Variants in DNAH14 observed in about 807,000 individuals in gnomAD.
DNAH14 encodes axonemal beta dynein heavy chain 14.
A neutral mutation model predicts 520.9 loss-of-function variants in DNAH14; 478 were observed. The observed-to-expected ratio is 0.92, with a 90% CI of 0.85 to 0.99. DNAH14 has a LOEUF of 0.99. Among genes scored for constraint, DNAH14 ranks in the 50% least tolerant of loss-of-function variants. The probability of loss-of-function intolerance (pLI) is 0.00; values close to 1 mark genes in which losing one functional copy is unlikely to be tolerated. For synonymous variants in DNAH14, 1,581 were observed against 1,757.2 expected (o/e 0.90, Z 2.51); for missense variants, 4,831 against 5,234.5 (o/e 0.92, Z 2.38).
chr1:225,204,085 T>C (rs1331206360), intron 38 of DNAH14, 98 bp from the exon 39 acceptor site: 2 of 610,444 alleles, frequency 3.3e-6, no homozygotes, highest in African/African-American at 2.0e-5. Context: ...CTGCCTTTTA[T>C]ATTTTTATCA....
At chr1:225,231,851 C>T (rs1285742657) in intron 42 of DNAH14, among the ~76,000 whole-genome samples, 1 of 151,934 alleles carries the variant, frequency 6.6e-6, no homozygotes, top group Non-Finnish European at 1.5e-5. Flanking sequence ...TGCTCATTCT[C>T]AATGTAACAA....
intron 36 of DNAH14, among the ~76,000 whole-genome samples, chr1:225,175,832 G>C (rs59700867): frequency 0.13 from 19,307 of 149,582 alleles, 1,367 homozygotes; most frequent in East Asian, 0.31. Flanking sequence ...TTATTTTCCT[G>C]CACAAGCTCT....
chr1:225,213,352 A>T (rs1404958231), intron 41 of DNAH14, among the ~76,000 whole-genome samples: 1 of 152,166 alleles, frequency 6.6e-6, no homozygotes, highest in African/African-American at 2.4e-5. Context: ...TGATGCCTCC[A>T]GCTTTGTTCT....
chr1:224,981,707 A>T (rs956576863), intron 8 of DNAH14, among the ~76,000 whole-genome samples: 1 of 152,050 alleles, frequency 6.6e-6, no homozygotes, highest in African/African-American at 2.4e-5. Context: ...CTAATGGTCT[A>T]TCAATCTTAT....
chr1:225,260,783 C>A (rs2092909946), intron 46 of DNAH14, among the ~76,000 whole-genome samples: 1 of 152,114 alleles, frequency 6.6e-6, no homozygotes, highest in South Asian at 2.1e-4. Context: ...CACAAGATAT[C>A]TTTCCACTTA....
chr1:225,315,235 C>T (rs1322683587), intron 60 of DNAH14, among the ~76,000 whole-genome samples: 3 of 151,544 alleles, frequency 2.0e-5, no homozygotes, highest in African/African-American at 4.8e-5. Flanking sequence ...GATTCGGCTA[C>T]TGATATTTGG....
Position 225,324,215 on chromosome 1 carries a change from T to C in DNAH14, c.9496-7T>C, listed in dbSNP as rs1259385937. 1 of 1,551,562 alleles carries C rather than the reference T, an allele frequency of 6.4e-7. No homozygotes were observed. Among genetic ancestry groups the C allele is most frequent in the South Asian group, 1.2e-5 (1 of 84,046 alleles). ...CTCATGTAATACATTAACTGTGTTC[T>C]CTCTAGGTTTTCGTGAAGCTAAAAA... On this transcript the variant is annotated splice_polypyrimidine_tract_variant and splice_region_variant and intron_variant, in intron 62 of 85. Transcript: ENST00000682510.
At chr1:225,345,873 A>G (rs1452961256) in intron 69 of DNAH14, 89 bp from the exon 70 acceptor site, 2 of 1,146,632 alleles carry the variant, frequency 1.7e-6, no homozygotes, top group Non-Finnish European at 2.4e-6. Context: ...CCAACAGTAC[A>G]AACCCTTACA....
At chr1:225,018,158 A>G (rs941401971) in intron 10 of DNAH14, among the ~76,000 whole-genome samples, 4 of 152,222 alleles carry the variant, frequency 2.6e-5, no homozygotes, top group Admixed American at 1.3e-4. Context: ...AAATCCAAGG[A>G]AAACAGTAAA....
intron 81 of DNAH14, among the ~76,000 whole-genome samples, chr1:225,383,898 C>G (rs1183601408): frequency 6.6e-6 from 1 of 152,184 alleles, no homozygotes; most frequent in Non-Finnish European, 1.5e-5. Flanking sequence ...TTCCCCTACA[C>G]ATTGCTTTAA....
chr1:225,023,982 G>A lies in DNAH14; in HGVS notation c.1358+117G>A, dbSNP rs2501114. 0.93 allele frequency: 1,333,979 copies of A among 1,432,470 alleles called. 625,968 individuals are homozygous for A. The highest frequency in any genetic ancestry group is 0.96 in the Non-Finnish European group (1,055,204 of 1,096,670). The allele number at this position is 1,432,470 out of a possible 1,614,324, so 88.7% of individuals were successfully genotyped here. ...GAGTTTGAAAATTCTCCTTGTGGCA[G>A]AGTACATGTACTCATTTTTGCTATT... On this transcript the variant is annotated intron_variant, in intron 11 of 85. Transcript: ENST00000682510.
At chr1:225,102,643 G>A (rs1383112794) in intron 23 of DNAH14, among the ~76,000 whole-genome samples, 6 of 152,204 alleles carry the variant, frequency 3.9e-5, no homozygotes, top group Non-Finnish European at 8.8e-5. Flanking sequence ...GATGGCCAGT[G>A]ATGATGAGCA....
intron 73 of DNAH14, among the ~76,000 whole-genome samples, chr1:225,358,177 C>T (rs1427868751): frequency 1.3e-5 from 2 of 151,958 alleles, no homozygotes; most frequent in African/African-American, 4.8e-5. Flanking sequence ...GGAAGAAAAC[C>T]GAGGGGAAAA....
chr1:225,053,420 A>T (rs79491017), intron 17 of DNAH14, among the ~76,000 whole-genome samples: 1,669 of 152,336 alleles, frequency 0.011, 16 homozygotes, highest in Non-Finnish European at 0.016. Context: ...GACTTGGAAC[A>T]TTATTCTTAA....
intron 41 of DNAH14, among the ~76,000 whole-genome samples, chr1:225,209,487 G>C (rs959422480): frequency 6.6e-6 from 1 of 152,046 alleles, no homozygotes; most frequent in Non-Finnish European, 1.5e-5. Flanking sequence ...CTGTGCACCT[G>C]AGCCTCAGGC....
chr1:225,208,898 T>C (rs1351218949), intron 41 of DNAH14, among the ~76,000 whole-genome samples: 5 of 152,224 alleles, frequency 3.3e-5, no homozygotes, highest in Admixed American at 6.5e-5. Context: ...GAAAGAATTC[T>C]CATATTTGAT....
intron 60 of DNAH14, among the ~76,000 whole-genome samples, chr1:225,313,045 G>A (rs1035909015): frequency 1.3e-5 from 2 of 152,314 alleles, no homozygotes; most frequent in Non-Finnish European, 2.9e-5. Flanking sequence ...ACCTCTGGTA[G>A]AATTCGGCTG....
chr1:225,361,650 A>G (rs1307665554), intron 75 of DNAH14, among the ~76,000 whole-genome samples: 4 of 152,258 alleles, frequency 2.6e-5, no homozygotes, highest in African/African-American at 9.6e-5. Context: ...CCAAAATGCA[A>G]CTGCATGACT....
intron 15 of DNAH14, among the ~76,000 whole-genome samples, chr1:225,044,368 G>A (rs1389793960): frequency 6.6e-6 from 1 of 151,964 alleles, no homozygotes; most frequent in Admixed American, 6.6e-5. Context: ...GAAATTGCAG[G>A]CAATTACTAG....
Sources: gnomAD v4.1 joint callset for allele counts (sites outside exome capture counted in the v4.1 genomes callset) on GRCh38, gnomAD v4.1.1 for gene constraint, MANE v1.5 for transcripts, NCBI Gene and HGNC (gene_info 2026-07-23, HGNC 2026-07-21) for gene names.